Variants in RORA observed in about 807,000 individuals in gnomAD.
RORA encodes the protein RAR related orphan receptor A, also known as nuclear receptor ROR-alpha.
Under a neutral mutation model 69.5 loss-of-function variants are expected in RORA, and 7 were observed. The observed-to-expected ratio is 0.10, with a 90% CI of 0.06 to 0.19. The LOEUF is 0.19. Among genes scored for constraint, RORA ranks in the 10% least tolerant of loss-of-function variants. The pLI is 1.00. For synonymous variants in RORA, 261 were observed against 240.8 expected (o/e 1.08, Z -0.78); for missense variants, 457 against 663.0 (o/e 0.69, Z 3.41).
At chr15:60,812,706 G>A (rs2072760641) in intron 1 of RORA, among the ~76,000 whole-genome samples, 1 of 152,166 alleles carries the variant, frequency 6.6e-6, no homozygotes, top group Non-Finnish European at 1.5e-5. Context: ...TGTCCACTGT[G>A]ATAGAAGAGA....
Position 60,759,870 on chromosome 15 carries a change from C to T in RORA, c.167-81184G>A, listed in dbSNP as rs181286562. On this transcript the variant is annotated intron_variant, in intron 1 of 10. Transcript: ENST00000335670. ...AGATAGGAGGGGGAAATATGATTTG[C>T]TATCCTATTTTCCCCCATTGAGGAG... Among the ~76,000 whole-genome samples the T allele has an allele frequency of 2.3e-3, 348 of 152,266 alleles. 1 individual carries two copies. The highest frequency in any genetic ancestry group is 3.2e-3 in the Non-Finnish European group (215 of 68,012).
intron 1 of RORA, among the ~76,000 whole-genome samples, chr15:60,771,856 G>A (rs372304638): frequency 5.9e-5 from 9 of 152,122 alleles, no homozygotes; most frequent in African/African-American, 2.2e-4. Flanking sequence ...GAGGATACAC[G>A]AGATCTTGGA....
At chr15:61,178,720 C>T (rs1282673816) in intron 1 of RORA, among the ~76,000 whole-genome samples, 1 of 151,750 alleles carries the variant, frequency 6.6e-6, no homozygotes, top group East Asian at 1.9e-4. Context: ...TACACAAATA[C>T]TAAAAAGGAA....
Position 61,119,086 on chromosome 15 carries a change from G to GC in RORA, c.166+109966_166+109967insG, listed in dbSNP as rs11380710. On this transcript the variant is annotated intron_variant, in intron 1 of 10. Transcript: ENST00000335670. ...GGGAAGATGCAGTTAACAGAAGGGG[G>GC]GGGGGGGCGCCATGGAGCAGTCGTG... 2.6e-3 allele frequency among the ~76,000 whole-genome samples: 384 copies of GC among 145,860 alleles called. 7 individuals carry two copies. The highest frequency in any genetic ancestry group is 8.8e-3 in the African/African-American group (349 of 39,578).
chr15:60,790,595 T>G (rs1045363766), intron 1 of RORA, among the ~76,000 whole-genome samples: 29 of 152,214 alleles, frequency 1.9e-4, no homozygotes, highest in African/African-American at 6.5e-4. Flanking sequence ...AGCCACCAGT[T>G]TGAGAACATT....
chr15:61,024,565 C>T (rs1895705364), intron 1 of RORA, among the ~76,000 whole-genome samples: 1 of 151,824 alleles, frequency 6.6e-6, no homozygotes, highest in South Asian at 2.1e-4. Context: ...ATTCTCCTGC[C>T]TCAGCCTCCC....
chr15:61,046,844 A>C (rs567308751), intron 1 of RORA, among the ~76,000 whole-genome samples: 1 of 152,320 alleles, frequency 6.6e-6, no homozygotes, highest in East Asian at 1.9e-4. Flanking sequence ...TTTGACTTCG[A>C]GGCTGCTCTG....
At chr15:60,890,200 G>T in intron 1 of RORA, among the ~76,000 whole-genome samples, 1 of 152,280 alleles carries the variant, frequency 6.6e-6, no homozygotes, top group Non-Finnish European at 1.5e-5. Context: ...GCACTTTCAC[G>T]TTCATTTATT....
Position 60,643,260 on chromosome 15 carries a change from T to C in RORA, c.196+35397A>G, listed in dbSNP as rs574337652. Among the ~76,000 whole-genome samples, 9 of 152,382 alleles carry C rather than the reference T, an allele frequency of 5.9e-5. No homozygotes were observed. In the South Asian group the frequency reaches 1.9e-3, roughly 32 times the overall value. On this transcript the variant is annotated intron_variant, in intron 2 of 10. Coordinates refer to ENST00000335670, the MANE Select transcript of RORA (RefSeq NM_134261.3). ...GTTAATATTCTTTGGTTTGCATCAATAGTGTTCTTTCTACTCTGTCATGTG... is the reference window on the plus strand; with the variant it reads ...GTTAATATTCTTTGGTTTGCATCAACAGTGTTCTTTCTACTCTGTCATGTG...
chr15:60,763,222 A>G (rs1048073069), intron 1 of RORA, among the ~76,000 whole-genome samples: 3 of 151,962 alleles, frequency 2.0e-5, no homozygotes, highest in Admixed American at 1.3e-4. Flanking sequence ...CGAGAGGAAA[A>G]GACAGCAAGC....
At chr15:61,210,462 T>C (rs1244088656) in intron 1 of RORA, among the ~76,000 whole-genome samples, 1 of 152,190 alleles carries the variant, frequency 6.6e-6, no homozygotes, top group East Asian at 1.9e-4. Context: ...TCCTGAAGGT[T>C]ACCCCCATAC....
At chr15:60,850,302 A>T (rs1444579151) in intron 1 of RORA, among the ~76,000 whole-genome samples, 2 of 152,140 alleles carry the variant, frequency 1.3e-5, no homozygotes, top group Non-Finnish European at 2.9e-5. Flanking sequence ...CCTCCCTGAA[A>T]TTCCCCTCCT....
At chr15:60,713,351 T>C (rs2071171063) in intron 1 of RORA, among the ~76,000 whole-genome samples, 1 of 152,048 alleles carries the variant, frequency 6.6e-6, no homozygotes, top group African/African-American at 2.4e-5. Context: ...AGAAAACCAA[T>C]GGCGCCTTTT....
chr15:60,547,839 C>T lies in RORA; in HGVS notation c.197-15988G>A, dbSNP rs562241413. Reference sequence around the variant, plus strand: ...TTTGGCAGTGACAGCGTTATGGGCACGGACATTCAGCCTTTCCAGTTGACT... The same window carrying T: ...TTTGGCAGTGACAGCGTTATGGGCATGGACATTCAGCCTTTCCAGTTGACT... On this transcript the variant is annotated intron_variant, in intron 2 of 10. Coordinates refer to ENST00000335670, the MANE Select transcript of RORA (RefSeq NM_134261.3). The T allele has an allele frequency of 4.6e-5, 7 of 152,254 alleles. No individual in the cohort carries two copies. In the South Asian group the frequency reaches 8.3e-4, roughly 18 times the overall value. 9.4% of individuals were successfully genotyped at this position (152,254 alleles called of 1,614,324 possible).
chr15:60,679,394 C>T (rs2140749961), intron 1 of RORA, among the ~76,000 whole-genome samples: 1 of 152,304 alleles, frequency 6.6e-6, no homozygotes, highest in East Asian at 1.9e-4. Context: ...ACAAATAGAA[C>T]TAAGCAACAT....
chr15:60,676,123 G>A (rs1022414980), intron 2 of RORA, among the ~76,000 whole-genome samples: 6 of 152,204 alleles, frequency 3.9e-5, no homozygotes, highest in East Asian at 1.9e-4. Flanking sequence ...AAAAAAAAAC[G>A]TATAGGCAAG....
intron 1 of RORA, among the ~76,000 whole-genome samples, chr15:61,006,729 A>G (rs1894922909): frequency 6.6e-6 from 1 of 152,130 alleles, no homozygotes; most frequent in African/African-American, 2.4e-5. Context: ...TCAAAGGGAA[A>G]TACATTCTGC....
intron 1 of RORA, among the ~76,000 whole-genome samples, chr15:61,129,494 G>A (rs979264632): frequency 3.9e-5 from 6 of 151,968 alleles, no homozygotes; most frequent in Non-Finnish European, 7.4e-5. Flanking sequence ...GTTTCTGCTC[G>A]GGGGGATGAA....
At chr15:60,507,785 A>AG (rs1194758071) in intron 5 of RORA, among the ~76,000 whole-genome samples, 2 of 152,030 alleles carry the variant, frequency 1.3e-5, no homozygotes, top group East Asian at 1.9e-4. Flanking sequence ...GCAGGGAAGT[A>AG]GGGGGGGATG....
Sources: allele counts gnomAD v4.1 joint callset (sites outside exome capture counted in the v4.1 genomes callset), GRCh38; gene constraint gnomAD v4.1.1; transcripts MANE v1.5; gene names NCBI Gene and HGNC (gene_info 2026-07-23, HGNC 2026-07-21).